Variants in SAMM50 observed in about 807,000 individuals in gnomAD.
The protein encoded by SAMM50 is sorting and assembly machinery component 50 homolog.
SAMM50 carries 47 observed loss-of-function variants against 66.9 expected under a neutral mutation model. The observed-to-expected ratio is 0.70, with a 90% confidence interval of 0.56 to 0.90. The LOEUF is 0.90. SAMM50 is among the 40% of genes least tolerant of loss of function. SAMM50 has a pLI of 0.00. For synonymous variants in SAMM50, 191 were observed against 214.1 expected, an observed-to-expected ratio of 0.89 and a Z score of 0.94; for missense variants, 535 against 595.3, an observed-to-expected ratio of 0.90 and a Z score of 1.05.
chr22:43,972,175 A>G (rs2050206897), intron 4 of SAMM50, 61 bp from the exon 5 acceptor site: 7 of 1,043,384 alleles, frequency 6.7e-6, no homozygotes, highest in East Asian at 2.6e-5. Flanking sequence ...TTTTTTAGCA[A>G]TGGGAACCCA....
intron 10 of SAMM50, among the ~76,000 whole-genome samples, chr22:43,980,137 C>A (rs1471964281): frequency 1.2e-4 from 1 of 8,456 alleles, no homozygotes; most frequent in Non-Finnish European, 2.6e-4. Context: ...CCCACCCACA[C>A]ATCCATCCAT....
At chr22:43,990,215 G>A (rs369668954) in intron 13 of SAMM50, 50 bp from the exon 14 acceptor site, 48 of 1,608,434 alleles carry the variant, frequency 3.0e-5, no homozygotes, top group Non-Finnish European at 4.0e-5. Context: ...AGCTGGGAGA[G>A]CTTGGAAGGA....
rs1053495872 is a variant in SAMM50 at position 43,983,575 on chromosome 22, T to C, written c.1008-358T>C. On this transcript the variant is annotated intron_variant, in intron 11 of 14. Coordinates refer to ENST00000350028, the MANE Select transcript of SAMM50 (RefSeq NM_015380.5). The surrounding 1 kb of genome is among the most constrained non-coding windows in gnomAD (Gnocchi z 4.2). ...TGCTCTTCTTCCCCTAATATCGCAC[T>C]GTGAGCCAGTAGGAGGCCCGCCATG... is the stretch of plus-strand genomic sequence containing the variant. Among the ~76,000 whole-genome samples the C allele has an allele frequency of 3.9e-5, 6 of 152,190 alleles. No individual in the cohort carries two copies. Among genetic ancestry groups the C allele is most frequent in the African/African-American group, 1.2e-4 (5 of 41,444 alleles).
intron 2 of SAMM50, 96 bp downstream of exon 2, chr22:43,963,492 T>C: frequency 1.5e-6 from 1 of 645,304 alleles, no homozygotes; most frequent in Non-Finnish European, 2.6e-6. Flanking sequence ...CCTGTTTCCG[T>C]GCCTTTATCA....
At chr22:43,959,767 G>A (rs144885619) in intron 1 of SAMM50, among the ~76,000 whole-genome samples, 36 of 152,168 alleles carry the variant, frequency 2.4e-4, no homozygotes, top group African/African-American at 8.7e-4. Flanking sequence ...TGAGGGTGAG[G>A]TTCTTATAAG....
chr22:43,957,612 G>C (rs897225177), intron 1 of SAMM50, among the ~76,000 whole-genome samples: 4 of 152,096 alleles, frequency 2.6e-5, no homozygotes, highest in Non-Finnish European at 5.9e-5. Context: ...TAGTAGAGAC[G>C]GGGGTTTCAT....
chr22:43,975,760 T>C (rs111628578), intron 7 of SAMM50: 19 of 299,294 alleles, frequency 6.3e-5, no homozygotes, highest in Admixed American at 3.7e-4. Flanking sequence ...CTGTCGATGA[T>C]AGAGCTGCCT....
At chr22:43,974,210 G>A (rs996222356) in intron 7 of SAMM50, among the ~76,000 whole-genome samples, 3 of 152,126 alleles carry the variant, frequency 2.0e-5, no homozygotes, top group Non-Finnish European at 2.9e-5. Context: ...TCCACCTTGA[G>A]CTGCCAAGTC....
intron 14 of SAMM50, chr22:43,996,122 C>T (rs968797082): frequency 1.3e-4 from 87 of 664,634 alleles, no homozygotes; most frequent in Non-Finnish European, 1.1e-4. Flanking sequence ...TTCCCTTTTC[C>T]ATTCTCCGAG....
intron 9 of SAMM50, 133 bp from the exon 10 acceptor site, chr22:43,977,739 A>G (rs2050240194): frequency 8.4e-6 from 5 of 598,764 alleles, no homozygotes; most frequent in Non-Finnish European, 1.5e-5. Flanking sequence ...TGTGGCTTCT[A>G]GGAGACAGAA....
At chr22:43,965,864 C>T (rs1391387258) in intron 3 of SAMM50, among the ~76,000 whole-genome samples, 1 of 151,992 alleles carries the variant, frequency 6.6e-6, no homozygotes, top group East Asian at 1.9e-4. Flanking sequence ...GGGTCTTGCT[C>T]TGGTGCAAGT....
rs1217069926 is a variant in SAMM50, at chr22:43,968,623, C to T, written c.235-108C>T. The T allele has an allele frequency of 3.9e-6, 3 of 765,864 alleles. No individual in the cohort carries two copies. In the African/African-American group the frequency reaches 5.1e-5, roughly 13 times the overall value. 47.4% of individuals were successfully genotyped at this position (765,864 alleles called of 1,614,324 possible). ...TTGGTAGTGCTCTCTGCTCAGTGAT[C>T]TGACTTAGCACCGAATGGTAAACTA... On this transcript the variant is annotated intron_variant, in intron 3 of 14. Coordinates refer to ENST00000350028, the MANE Select transcript of SAMM50 (RefSeq NM_015380.5).
rs116793528 is a variant in SAMM50, at chr22:43,988,920, C to T, written c.1076-191C>T. 840 of 487,470 alleles carry T rather than the reference C, an allele frequency of 1.7e-3. 6 individuals are homozygous for T. The highest frequency in any genetic ancestry group is 0.015 in the African/African-American group (777 of 51,588). 30.2% of individuals were successfully genotyped at this position (487,470 alleles called of 1,614,324 possible). A position where few individuals can be genotyped will look rare whatever the true frequency, so the allele number is the denominator to read the frequency against. ...AGTTAAATCAAGGTGTGAAACAAAC[C>T]AGGAGAAAAAGAAAGATTATTTAAA... is the stretch of plus-strand genomic sequence containing the variant. On this transcript the variant is annotated intron_variant, in intron 12 of 14. Coordinates refer to ENST00000350028, the MANE Select transcript of SAMM50 (RefSeq NM_015380.5).
At chr22:43,974,261 T>C (rs2146815579) in intron 7 of SAMM50, among the ~76,000 whole-genome samples, 1 of 152,116 alleles carries the variant, frequency 6.6e-6, no homozygotes, top group South Asian at 2.1e-4. Context: ...TTAAGTGTGC[T>C]CTCCCTCCAA....
Position 43,964,557 on chromosome 22 carries a change from G to C in SAMM50, c.234+4G>C, listed in dbSNP as rs201004870. The C allele has an allele frequency of 1.3e-3, 2,003 of 1,505,068 alleles. 4 individuals carry two copies. Among genetic ancestry groups the C allele is most frequent in the Non-Finnish European group, 1.8e-3 (1,928 of 1,080,992 alleles). The allele number at this position is 1,505,068 out of a possible 1,614,324, so 93.2% of individuals were successfully genotyped here. A position where few individuals can be genotyped will look rare whatever the true frequency, so the allele number is the denominator to read the frequency against. ...CAAGGCCAAAAACCTAATTGAGGTA[G>C]GTGTGGTCTCTACATGGTGTGCTTT... On this transcript the variant is annotated splice_donor_region_variant and intron_variant, in intron 3 of 14. Coordinates refer to ENST00000350028, the MANE Select transcript of SAMM50 (RefSeq NM_015380.5).
At chr22:43,987,313 T>A (rs1470984213) in intron 12 of SAMM50, 2 of 152,248 alleles carry the variant, frequency 1.3e-5, no homozygotes, top group Non-Finnish European at 2.9e-5. Flanking sequence ...AATGGTCAGA[T>A]AATTATGGTA....
intron 3 of SAMM50, among the ~76,000 whole-genome samples, chr22:43,965,158 G>A (rs916753272): frequency 2.1e-5 from 3 of 142,356 alleles, no homozygotes; most frequent in African/African-American, 8.0e-5. Context: ...CAGCAGCAGT[G>A]TTTGGCACTG....
chr22:43,992,400 T>A (rs1201467407), intron 14 of SAMM50, among the ~76,000 whole-genome samples: 1 of 152,268 alleles, frequency 6.6e-6, no homozygotes, highest in Non-Finnish European at 1.5e-5. Flanking sequence ...GCCAGGCTGC[T>A]GCGGCTCCCT....
chr22:43,985,116 C>A (rs1240483816), intron 12 of SAMM50, among the ~76,000 whole-genome samples: 1 of 151,832 alleles, frequency 6.6e-6, no homozygotes, highest in East Asian at 1.9e-4. Flanking sequence ...GCAAAAAGTA[C>A]AGTGTTCCCG....
Sources: allele counts gnomAD v4.1 joint callset (sites outside exome capture counted in the v4.1 genomes callset), GRCh38; gene constraint gnomAD v4.1.1; non-coding constraint Gnocchi (gnomAD v3.1); transcripts MANE v1.5; gene names NCBI Gene and HGNC (gene_info 2026-07-23, HGNC 2026-07-21).